XYLB: variants seen among roughly 807,000 people sequenced by gnomAD.
XYLB encodes xylulose kinase.
Under a neutral mutation model 78.7 loss-of-function variants are expected in XYLB, and 62 were observed. The observed-to-expected ratio is 0.79, with a 90% CI of 0.64 to 0.97. XYLB has a LOEUF of 0.97. XYLB is among the 50% of genes least tolerant of loss of function. The pLI, the probability that XYLB is intolerant of heterozygous loss-of-function variation, is 0.00. For missense variants in XYLB, 687 were observed against 676.8 expected (o/e 1.02, Z -0.17); for synonymous variants, 245 against 247.4 (o/e 0.99, Z 0.09).
chr3:38,398,240 C>T (rs1453136621), intron 17 of XYLB, among the ~76,000 whole-genome samples: 9 of 151,068 alleles, frequency 6.0e-5, no homozygotes, highest in Admixed American at 3.9e-4. Context: ...GAGGCCGAGG[C>T]GGGTGGATCA....
At chr3:38,353,953 A>G (rs1432731938) in intron 2 of XYLB, among the ~76,000 whole-genome samples, 1 of 150,256 alleles carries the variant, frequency 6.7e-6, no homozygotes, top group Non-Finnish European at 1.5e-5. Context: ...ATCATGTGCT[A>G]CTTTCTGTGT....
chr3:38,440,067 C>T, the XYLB span, among the ~76,000 whole-genome samples: 10 of 152,208 alleles, frequency 6.6e-5, no homozygotes, highest in South Asian at 1.0e-3. Flanking sequence ...GATAAACTGG[C>T]GATTCTGGTT....
intron 18 of XYLB, among the ~76,000 whole-genome samples, chr3:38,405,116 A>G (rs1030356059): frequency 6.6e-6 from 1 of 152,122 alleles, no homozygotes; most frequent in African/African-American, 2.4e-5. Context: ...TTGTTTATTT[A>G]TTTTGGCTTA....
At position 38,366,857 on chromosome 3, in the gene XYLB, C is replaced by T. The variant is rs781326198; in HGVS notation, c.557C>T (p.Ala186Val). The T allele has an allele frequency of 1.2e-5, 20 of 1,612,310 alleles. No individual in the cohort carries two copies. Among genetic ancestry groups the T allele is most frequent in the Non-Finnish European group, 1.7e-5 (20 of 1,178,504 alleles). Residue 186 changes from alanine to valine, a missense_variant, in exon 7 of 19, where the codon GCC (alanine) becomes GTC (valine). Physicochemically the swap from Ala to Val is moderately conservative, Grantham distance 64. Transcript: ENST00000207870. ...IAKIYQQNPE[A>V]YSHTERISLV... ...AAAATTTACCAGCAGAACCCCGAGG[C>T]CTACTCACATACGGAGGTTGGTTAA...
chr3:38,348,187 T>C (rs1705171853), intron 1 of XYLB, among the ~76,000 whole-genome samples: 1 of 152,190 alleles, frequency 6.6e-6, no homozygotes, highest in South Asian at 2.1e-4. Context: ...CCTCCAAACC[T>C]TGCTTCCCAT....
At chr3:38,349,013 C>T (rs948499454) in intron 2 of XYLB, among the ~76,000 whole-genome samples, 1 of 152,234 alleles carries the variant, frequency 6.6e-6, no homozygotes, top group Non-Finnish European at 1.5e-5. Context: ...AAGGAACTCA[C>T]TTCTCCAAGT....
chr3:38,436,721 G>A, the XYLB span, among the ~76,000 whole-genome samples: 2 of 151,966 alleles, frequency 1.3e-5, no homozygotes, highest in Non-Finnish European at 2.9e-5. Flanking sequence ...TAACACACCT[G>A]GGCTGGGTGT....
At chr3:38,398,515 CA>C (rs2125651211) in intron 17 of XYLB, among the ~76,000 whole-genome samples, 1 of 152,016 alleles carries the variant, frequency 6.6e-6, no homozygotes. Flanking sequence ...ATTCTCTCCC[CA>C]CCCCATCTAC....
chr3:38,357,806 TC>T (rs1705743128), intron 2 of XYLB, among the ~76,000 whole-genome samples: 1 of 152,228 alleles, frequency 6.6e-6, no homozygotes, highest in African/African-American at 2.4e-5. Context: ...ATGTTGAGTA[TC>T]TTTGCCATTT....
chr3:38,420,065 G>A (rs903983787), exon 18 of XYLB, among the ~76,000 whole-genome samples: 27 of 152,132 alleles, frequency 1.8e-4, no homozygotes, highest in Admixed American at 6.5e-4. Context: ...TGATCCACCC[G>A]CCTCAGCCTC....
intron 2 of XYLB, among the ~76,000 whole-genome samples, chr3:38,358,344 TGTGTGTGTGTGTG>T (rs534121945): frequency 0.012 from 1,082 of 90,558 alleles, 30 homozygotes; most frequent in African/African-American, 0.035. Flanking sequence ...TGTGTGTGTG[TGTGTGTGTGTGTG>T]TTTGAGACAG....
At chr3:38,349,510 A>G (rs1220410447) in intron 2 of XYLB, among the ~76,000 whole-genome samples, 2 of 152,220 alleles carry the variant, frequency 1.3e-5, no homozygotes, top group African/African-American at 2.4e-5. Flanking sequence ...GTATGAAATG[A>G]TGGATAGGAG....
At chr3:38,412,235 C>A (rs1047287219) in intron 18 of XYLB, among the ~76,000 whole-genome samples, 4 of 152,170 alleles carry the variant, frequency 2.6e-5, no homozygotes, top group African/African-American at 9.7e-5. Context: ...AGGTGATCCA[C>A]CCGCCTTGGC....
At chr3:38,365,784 C>T in intron 6 of XYLB, 48 bp downstream of exon 6, 5 of 1,562,666 alleles carry the variant, frequency 3.2e-6, no homozygotes, top group Non-Finnish European at 4.3e-6. Flanking sequence ...GTTGCAAGCT[C>T]CGGAGGCATA....
downstream of XYLB, among the ~76,000 whole-genome samples, chr3:38,423,233 C>T (rs564381242): frequency 5.8e-4 from 88 of 152,092 alleles, no homozygotes; most frequent in Non-Finnish European, 1.1e-3. Context: ...CCACCACGCC[C>T]GGCTAATTTT....
intron 14 of XYLB, among the ~76,000 whole-genome samples, chr3:38,378,364 C>T (rs1293031192): frequency 6.6e-6 from 1 of 152,192 alleles, no homozygotes; most frequent in East Asian, 1.9e-4. Context: ...CATTGGTGGC[C>T]CTTGCTCCCC....
chr3:38,391,394 T>C (rs1053226982), intron 15 of XYLB, among the ~76,000 whole-genome samples: 1 of 152,242 alleles, frequency 6.6e-6, no homozygotes, highest in Non-Finnish European at 1.5e-5. Context: ...GCCAGCTGTG[T>C]ATGCATTCCT....
chr3:38,445,469 C>T, the XYLB span, among the ~76,000 whole-genome samples: 2 of 152,086 alleles, frequency 1.3e-5, no homozygotes, highest in Non-Finnish European at 2.9e-5. Flanking sequence ...GGACTAGTCT[C>T]GGAGAAGAGA....
chr3:38,434,795 A>G, the XYLB span, among the ~76,000 whole-genome samples: 1 of 152,254 alleles, frequency 6.6e-6, no homozygotes, highest in Admixed American at 6.5e-5. Flanking sequence ...TATATCAATA[A>G]TAACCTTGAA....
Sources: gnomAD v4.1 joint callset for allele counts (sites outside exome capture counted in the v4.1 genomes callset) on GRCh38, gnomAD v4.1.1 for gene constraint, MANE v1.5 for transcripts, NCBI Gene and HGNC (gene_info 2026-07-23, HGNC 2026-07-21) for gene names.